Variants in SYN2 observed in about 807,000 individuals in gnomAD.
SYN2 encodes synapsin II.
A neutral mutation model predicts 50.9 loss-of-function variants in SYN2; 19 were observed. The observed-to-expected ratio is 0.37, with a 90% CI of 0.26 to 0.55. SYN2 has a LOEUF of 0.55. Among genes scored for constraint, SYN2 ranks in the 20% least tolerant of loss-of-function variants. The probability of loss-of-function intolerance (pLI) is 0.81; values close to 1 mark genes in which losing one functional copy is unlikely to be tolerated. For missense variants in SYN2, 587 were observed against 576.4 expected (o/e 1.02, Z -0.19); for synonymous variants, 255 against 224.9 (o/e 1.13, Z -1.20).
Position 12,109,082 on chromosome 3 carries a change from G to T in SYN2, c.378-31569G>T, listed in dbSNP as rs188548351. Among the ~76,000 whole-genome samples the T allele has an allele frequency of 2.0e-4, 30 of 152,208 alleles. No individual in the cohort carries two copies. The East Asian group carries it at 5.2e-3, about 26-fold the overall frequency. On this transcript the variant is annotated intron_variant, in intron 1 of 12. Transcript: ENST00000621198. ...TCTTACCAGAAAGTACCATTATCAT[G>T]AATCATTTTAAGGGAGTATTTTATA...
chr3:12,172,399 C>T (rs1488921962), intron 10 of SYN2, among the ~76,000 whole-genome samples: 1 of 152,198 alleles, frequency 6.6e-6, no homozygotes, highest in Non-Finnish European at 1.5e-5. Context: ...TGACAGTTCT[C>T]TGGAAGAACT....
In SYN2 at chr3:12,050,310, T is replaced by G. The variant is rs2125154174; in HGVS notation, c.377+45382T>G. On this transcript the variant is annotated intron_variant, in intron 1 of 12. Transcript: ENST00000621198. Reference sequence around the variant, plus strand: ...ACACCTTTCATTTAATGTTGATTCTTTGACCCAGGAATGGCTCCAGTTTGG... The same window carrying G: ...ACACCTTTCATTTAATGTTGATTCTGTGACCCAGGAATGGCTCCAGTTTGG... Among the ~76,000 whole-genome samples, 2 of 152,160 alleles carry G rather than the reference T, an allele frequency of 1.3e-5. 1 individual carries two copies. The highest frequency in any genetic ancestry group is 4.2e-4 in the South Asian group (2 of 4,812).
chr3:12,070,638 GC>G, intron 1 of SYN2: 1 of 1,359,650 alleles, frequency 7.4e-7, no homozygotes, highest in Non-Finnish European at 1.0e-6. Context: ...CATGTACGTG[GC>G]CATCCAGGCC....
chr3:12,091,622 G>C (rs1695830354), intron 1 of SYN2, among the ~76,000 whole-genome samples: 1 of 152,160 alleles, frequency 6.6e-6, no homozygotes, highest in African/African-American at 2.4e-5. Flanking sequence ...AGAGCTGTTA[G>C]CATTTACTTA....
intron 1 of SYN2, among the ~76,000 whole-genome samples, chr3:12,005,698 C>T (rs1027929550): frequency 6.6e-6 from 1 of 150,812 alleles, no homozygotes; most frequent in Non-Finnish European, 1.5e-5. Context: ...TATACTGGAT[C>T]ATTAAAGGGG....
chr3:12,114,515 C>G (rs1696388463), intron 1 of SYN2, among the ~76,000 whole-genome samples: 1 of 151,974 alleles, frequency 6.6e-6, no homozygotes, highest in Non-Finnish European at 1.5e-5. Flanking sequence ...CTTGCTTACT[C>G]TAAGATCATG....
intron 1 of SYN2, among the ~76,000 whole-genome samples, chr3:12,014,111 C>T (rs1056523077): frequency 6.6e-6 from 1 of 152,186 alleles, no homozygotes; most frequent in Non-Finnish European, 1.5e-5. Context: ...TATCTCTGGA[C>T]ACAACACAAT....
At chr3:12,080,007 A>C (rs1178064497) in intron 1 of SYN2, among the ~76,000 whole-genome samples, 1 of 152,026 alleles carries the variant, frequency 6.6e-6, no homozygotes, top group Non-Finnish European at 1.5e-5. Flanking sequence ...TCAGGGATTC[A>C]GTTTCTTCCT....
intron 7 of SYN2, among the ~76,000 whole-genome samples, chr3:12,164,984 C>CTTTTTTTTTT (rs68043865): frequency 1.1e-5 from 1 of 92,342 alleles, no homozygotes. Flanking sequence ...TTTTTCTTTT[C>CTTTTTTTTTT]TTTTTTTTTT....
chr3:12,083,960 G>A (rs1165886265), intron 1 of SYN2, among the ~76,000 whole-genome samples: 1 of 152,178 alleles, frequency 6.6e-6, no homozygotes, highest in Non-Finnish European at 1.5e-5. Flanking sequence ...TTGGGATAGG[G>A]AGAGGAGAAT....
chr3:12,059,608 A>G (rs997625866), intron 1 of SYN2, among the ~76,000 whole-genome samples: 9 of 152,088 alleles, frequency 5.9e-5, no homozygotes, highest in African/African-American at 1.9e-4. Flanking sequence ...ACTCAGGGAC[A>G]TACGTTAAGA....
intron 1 of SYN2, among the ~76,000 whole-genome samples, chr3:12,101,474 G>A (rs2125189260): frequency 6.6e-6 from 1 of 152,252 alleles, no homozygotes; most frequent in South Asian, 2.1e-4. Flanking sequence ...GATTGTCGGA[G>A]GCTGGGTAAA....
At chr3:12,044,592 A>G (rs1360053899) in intron 1 of SYN2, among the ~76,000 whole-genome samples, 1 of 152,168 alleles carries the variant, frequency 6.6e-6, no homozygotes, top group African/African-American at 2.4e-5. Context: ...AATAGGAGGA[A>G]TCCTTTTATG....
At chr3:12,070,711 G>T in intron 1 of SYN2, 6 of 998,596 alleles carry the variant, frequency 6.0e-6, no homozygotes, top group Non-Finnish European at 7.4e-6. Flanking sequence ...TGGAGATGGG[G>T]TCACTCATAC....
chr3:12,115,882 A>G (rs1019275655), intron 1 of SYN2, among the ~76,000 whole-genome samples: 2 of 152,174 alleles, frequency 1.3e-5, no homozygotes, highest in African/African-American at 4.8e-5. Flanking sequence ...TCATCTCTGT[A>G]CACCCATCTC....
At chr3:12,093,962 T>G in intron 1 of SYN2, among the ~76,000 whole-genome samples, 1 of 151,672 alleles carries the variant, frequency 6.6e-6, no homozygotes, top group Non-Finnish European at 1.5e-5. Context: ...GTTCAAGAGA[T>G]TCTTCTGCCT....
chr3:12,122,666 G>A (rs1211947128), intron 1 of SYN2, among the ~76,000 whole-genome samples: 2 of 152,102 alleles, frequency 1.3e-5, no homozygotes, highest in East Asian at 3.9e-4. Flanking sequence ...CATAACTACA[G>A]GCCTGTCTTC....
chr3:12,183,939 C>A (rs1193969465), intron 11 of SYN2: 6 of 992,134 alleles, frequency 6.0e-6, no homozygotes, highest in Middle Eastern at 1.0e-3. Flanking sequence ...CGCTTTCTTT[C>A]TGCATGACTA....
chr3:12,058,338 T>C lies in SYN2; in HGVS notation c.377+53410T>C, dbSNP rs893028240. Among the ~76,000 whole-genome samples, 4 of 152,226 alleles carry C rather than the reference T, an allele frequency of 2.6e-5. No individual in the cohort carries two copies. The South Asian group carries it at 6.2e-4, about 24-fold the overall frequency. On this transcript the variant is annotated intron_variant, in intron 1 of 12. Coordinates refer to ENST00000621198, the MANE Select transcript of SYN2 (RefSeq NM_133625.6). ...AAAGACATTAAATTAAGATATGCTATTATGCTGTGTGTATATATAGGACTA... is the reference window on the plus strand; with the variant it reads ...AAAGACATTAAATTAAGATATGCTACTATGCTGTGTGTATATATAGGACTA...
Sources: gnomAD v4.1 joint callset for allele counts (sites outside exome capture counted in the v4.1 genomes callset) on GRCh38, gnomAD v4.1.1 for gene constraint, MANE v1.5 for transcripts, NCBI Gene and HGNC (gene_info 2026-07-23, HGNC 2026-07-21) for gene names.